The following ASTN2 variants were observed in gnomAD, a reference collection of about 807,000 sequenced individuals.
ASTN2 encodes the protein astrotactin-2.
Under a neutral mutation model 139.8 loss-of-function variants are expected in ASTN2, and 54 were observed. The observed-to-expected ratio is 0.39, with a 90% CI of 0.31 to 0.48. The LOEUF is 0.48. Among genes scored for constraint, ASTN2 ranks in the 20% least tolerant of loss-of-function variants. The pLI is 0.95. For synonymous variants in ASTN2, 756 were observed against 719.5 expected, an observed-to-expected ratio of 1.05 and a Z score of -0.81; for missense variants, 1,565 against 1,725.1, an observed-to-expected ratio of 0.91 and a Z score of 1.64.
chr9:116,778,355 A>T (rs1822199), intron 13 of ASTN2, among the ~76,000 whole-genome samples: 126,657 of 152,116 alleles, frequency 0.83, 53,373 homozygotes, highest in Non-Finnish European at 0.91. Context: ...CTGAGTTCAA[A>T]ATTTGGTCAT....
At chr9:117,303,552 G>T (rs1834928038) in intron 1 of ASTN2, among the ~76,000 whole-genome samples, 1 of 152,098 alleles carries the variant, frequency 6.6e-6, no homozygotes, top group Admixed American at 6.5e-5. Flanking sequence ...GCCAAACCAG[G>T]ACAACTGAGC....
At chr9:117,007,977 T>C in intron 7 of ASTN2, 115 bp downstream of exon 7, 1 of 1,169,856 alleles carries the variant, frequency 8.5e-7, no homozygotes. Flanking sequence ...GGCCTTCTTA[T>C]TCAGCCACTT....
At chr9:117,110,609 C>G (rs1316153866) in intron 4 of ASTN2, among the ~76,000 whole-genome samples, 2 of 152,178 alleles carry the variant, frequency 1.3e-5, no homozygotes, top group Non-Finnish European at 2.9e-5. Context: ...ACAGACCTAT[C>G]CTTGTGCAGA....
At chr9:116,516,580 T>C (rs1850659973) in intron 19 of ASTN2, among the ~76,000 whole-genome samples, 1 of 152,214 alleles carries the variant, frequency 6.6e-6, no homozygotes, top group Admixed American at 6.5e-5. Flanking sequence ...CTCCAAGAAC[T>C]ACTGCAGGAA....
chr9:116,733,771 G>T (rs948890643), intron 13 of ASTN2, among the ~76,000 whole-genome samples: 26 of 152,150 alleles, frequency 1.7e-4, no homozygotes, highest in Non-Finnish European at 3.7e-4. Flanking sequence ...GCATGCTACT[G>T]TTCCTCTCAG....
At chr9:117,264,615 G>T (rs1368523595) in intron 2 of ASTN2, among the ~76,000 whole-genome samples, 1 of 152,198 alleles carries the variant, frequency 6.6e-6, no homozygotes, top group Non-Finnish European at 1.5e-5. Context: ...AAAAGTTAGG[G>T]TGAGAGAGGA....
At chr9:116,577,854 A>G (rs1570199) in intron 19 of ASTN2, among the ~76,000 whole-genome samples, 24,552 of 152,092 alleles carry the variant, frequency 0.16, 2,172 homozygotes, top group African/African-American at 0.22. Flanking sequence ...TCTTCTGATA[A>G]TCTCAGGTTG....
chr9:116,437,212 A>C (rs1055836285), intron 22 of ASTN2: 1 of 401,774 alleles, frequency 2.5e-6, no homozygotes, highest in African/African-American at 2.1e-5. Flanking sequence ...ATAATAAAAA[A>C]TACCACTGTT....
chr9:116,477,458 G>A (rs1438060683), intron 20 of ASTN2, among the ~76,000 whole-genome samples: 9 of 151,964 alleles, frequency 5.9e-5, no homozygotes, highest in East Asian at 1.9e-4. Context: ...AGTCACCCCC[G>A]TCCCTACTGA....
At chr9:117,180,297 C>T (rs1046297222) in intron 3 of ASTN2, among the ~76,000 whole-genome samples, 1 of 152,172 alleles carries the variant, frequency 6.6e-6, no homozygotes, top group African/African-American at 2.4e-5. Context: ...ATCTCTTCCT[C>T]TACAGTCTGC....
At chr9:116,737,382 C>A (rs1828956348) in intron 13 of ASTN2, among the ~76,000 whole-genome samples, 1 of 152,100 alleles carries the variant, frequency 6.6e-6, no homozygotes. Flanking sequence ...CTGGGAGAGG[C>A]GACCAGGGAG....
intron 7 of ASTN2, among the ~76,000 whole-genome samples, chr9:116,998,255 G>A (rs1416182659): frequency 1.3e-5 from 2 of 152,126 alleles, no homozygotes; most frequent in African/African-American, 4.8e-5. Context: ...TCGTTTCATG[G>A]AGGATATCCC....
chr9:117,041,654 T>C (rs10481683), intron 5 of ASTN2, among the ~76,000 whole-genome samples: 75,235 of 152,020 alleles, frequency 0.49, 19,025 homozygotes, highest in Admixed American at 0.54. Flanking sequence ...TTACAGCATC[T>C]GGTTGCAGGA....
At chr9:116,477,746 C>T (rs2119040918) in intron 20 of ASTN2, among the ~76,000 whole-genome samples, 1 of 150,910 alleles carries the variant, frequency 6.6e-6, no homozygotes, top group East Asian at 2.0e-4. Flanking sequence ...ACAGGCCAGG[C>T]ACGGTGGCTC....
intron 5 of ASTN2, among the ~76,000 whole-genome samples, chr9:117,058,493 T>C (rs1455858605): frequency 6.6e-6 from 1 of 152,250 alleles, no homozygotes; most frequent in Non-Finnish European, 1.5e-5. Flanking sequence ...ATGCCCATTT[T>C]ACAGAGGAGA....
rs767885077 is a variant in ASTN2 at position 116,699,378 on chromosome 9, C to T, written c.2806+26393G>A. The stretch of plus-strand genomic sequence containing the variant: ...GGAGAATCGGCAGAATGAGCACCAC[C>T]TGGAGGGTGGCTTTTCCATTGGCTC... On this transcript the variant is annotated intron_variant, in intron 16 of 22. Transcript: ENST00000313400. The surrounding 1 kb of genome is among the most constrained non-coding windows in gnomAD (Gnocchi z 4.2). 2 of 1,614,208 alleles carry T rather than the reference C, an allele frequency of 1.2e-6. No homozygotes were observed. Among genetic ancestry groups the T allele is most frequent in the Non-Finnish European group, 1.7e-6 (2 of 1,180,046 alleles).
At chr9:117,234,964 T>A (rs947462114) in intron 2 of ASTN2, among the ~76,000 whole-genome samples, 3 of 152,236 alleles carry the variant, frequency 2.0e-5, no homozygotes, top group Non-Finnish European at 4.4e-5. Flanking sequence ...CTGGGCGCAG[T>A]GGCTCACGCC....
At chr9:116,953,490 G>C (rs1459944752) in intron 10 of ASTN2, among the ~76,000 whole-genome samples, 1 of 152,182 alleles carries the variant, frequency 6.6e-6, no homozygotes, top group African/African-American at 2.4e-5. Flanking sequence ...CCCAGAATGA[G>C]ACACTCATTT....
chr9:117,403,065 C>T (rs977050932), intron 1 of ASTN2, among the ~76,000 whole-genome samples: 1 of 152,156 alleles, frequency 6.6e-6, no homozygotes, highest in African/African-American at 2.4e-5. Context: ...TCTAACAGGG[C>T]TTCACTTCAC....
Sources: gnomAD v4.1 joint callset for allele counts (sites outside exome capture counted in the v4.1 genomes callset) on GRCh38, gnomAD v4.1.1 for gene constraint, Gnocchi (gnomAD v3.1) non-coding constraint, MANE v1.5 for transcripts, NCBI Gene and HGNC (gene_info 2026-07-23, HGNC 2026-07-21) for gene names.